The following AK7 variants were observed in gnomAD, a reference collection of about 807,000 sequenced individuals.
AK7 encodes adenylate kinase 7, also known as ATP-AMP transphosphorylase 7.
In AK7, 78 loss-of-function variants were observed where a neutral mutation model predicts 96.6. The observed-to-expected ratio is 0.81, with a 90% confidence interval of 0.67 to 0.97. The LOEUF is 0.97. AK7 is among the 50% of genes least tolerant of loss of function. AK7 has a pLI of 0.00. For synonymous variants in AK7, 302 were observed against 317.2 expected (o/e 0.95, Z 0.51); for missense variants, 855 against 887.9 (o/e 0.96, Z 0.47).
chr14:96,427,817 G>A (rs1055321637), intron 5 of AK7, among the ~76,000 whole-genome samples: 5 of 150,894 alleles, frequency 3.3e-5, no homozygotes, highest in African/African-American at 9.8e-5. Context: ...TTCTTTTTTT[G>A]TCTCCTCTGA....
At chr14:96,454,441 G>GTT (rs912609969) in intron 10 of AK7, among the ~76,000 whole-genome samples, 2 of 143,908 alleles carry the variant, frequency 1.4e-5, no homozygotes, top group East Asian at 2.0e-4. Flanking sequence ...GAGAAATGGT[G>GTT]TTTTTTTTTT....
At chr14:96,427,725 G>T (rs945314142) in intron 5 of AK7, among the ~76,000 whole-genome samples, 1 of 151,928 alleles carries the variant, frequency 6.6e-6, no homozygotes, top group Non-Finnish European at 1.5e-5. Flanking sequence ...TCTCTTACTC[G>T]ACTTCCTCTT....
chr14:96,424,350 A>G lies in AK7; in HGVS notation c.609+3418A>G. On this transcript the variant is annotated intron_variant, in intron 5 of 17. Transcript: ENST00000267584. ...GTGTTCTCAGTATTTTACTCATGGTATCTTATGTCATCTGTGTTTTACTCG... is the reference window on the plus strand; with the variant it reads ...GTGTTCTCAGTATTTTACTCATGGTGTCTTATGTCATCTGTGTTTTACTCG... 4 of 329,564 alleles carry G rather than the reference A, an allele frequency of 1.2e-5. No individual in the cohort carries two copies. In the South Asian group the frequency reaches 1.3e-4, roughly 11 times the overall value. The allele number at this position is 329,564 out of a possible 1,614,324, so 20.4% of individuals were successfully genotyped here.
intron 6 of AK7, among the ~76,000 whole-genome samples, chr14:96,438,710 A>G (rs1420547132): frequency 6.6e-6 from 1 of 152,194 alleles, no homozygotes; most frequent in Admixed American, 6.5e-5. Flanking sequence ...TGAGCACAGA[A>G]GCAACATAAT....
intron 4 of AK7, among the ~76,000 whole-genome samples, chr14:96,409,861 C>T (rs1016307613): frequency 3.9e-5 from 6 of 152,178 alleles, no homozygotes; most frequent in African/African-American, 1.4e-4. Flanking sequence ...AATCACGGTA[C>T]ACTCTTTTAA....
At chr14:96,468,576 C>T (rs998420327) in intron 12 of AK7, among the ~76,000 whole-genome samples, 2 of 151,888 alleles carry the variant, frequency 1.3e-5, no homozygotes, top group Non-Finnish European at 2.9e-5. Flanking sequence ...GGATTACAGG[C>T]GTGAGCCACC....
In AK7 at chr14:96,399,821, C is replaced by T. The variant is rs959628478; in HGVS notation, c.294+1558C>T. 1.3e-5 allele frequency among the ~76,000 whole-genome samples: 2 copies of T among 152,052 alleles called. No homozygotes were observed. Among genetic ancestry groups the T allele is most frequent in the Non-Finnish European group, 2.9e-5 (2 of 68,014 alleles). ...CTTTTACCCTTTAAATGCGGTTTTC[C>T]CCAGAGCTCACTCCCTTCCTACAAC... On this transcript the variant is annotated intron_variant, in intron 2 of 17. Coordinates refer to ENST00000267584, the MANE Select transcript of AK7 (RefSeq NM_152327.5). The surrounding 1 kb of genome is among the most constrained non-coding windows in gnomAD (Gnocchi z 4.1).
At chr14:96,393,453 A>G (rs1889871823) in intron 1 of AK7, among the ~76,000 whole-genome samples, 1 of 152,240 alleles carries the variant, frequency 6.6e-6, no homozygotes, top group African/African-American at 2.4e-5. Context: ...GCAGAAGTCC[A>G]AGATCAAGGT....
At chr14:96,418,878 G>C (rs527848491) in intron 4 of AK7, among the ~76,000 whole-genome samples, 2 of 152,258 alleles carry the variant, frequency 1.3e-5, no homozygotes, top group South Asian at 4.1e-4. Flanking sequence ...TAAACTCTGG[G>C]CTCAAAAGCT....
At chr14:96,416,080 C>T (rs1372081612) in intron 4 of AK7, among the ~76,000 whole-genome samples, 1 of 152,052 alleles carries the variant, frequency 6.6e-6, no homozygotes, top group African/African-American at 2.4e-5. Flanking sequence ...CAAACACAAT[C>T]ACCAATTAAA....
At position 96,392,212 on chromosome 14, in the gene AK7, G is replaced by T. The variant is rs1281292214; in HGVS notation, c.58G>T (p.Val20Leu). The change falls in exon 1 of 18, where the codon GTG becomes TTG. Residue 20 changes from valine to leucine, a missense_variant. Val to Leu is a conservative substitution (Grantham distance 32). Coordinates refer to ENST00000267584, the MANE Select transcript of AK7 (RefSeq NM_152327.5). ...GGAGAAGGTTATCCGGACCCAGAGGGTGTTTATAAACCTGTTGGATTCCTA... is the reference window on the plus strand; with the variant it reads ...GGAGAAGGTTATCCGGACCCAGAGGTTGTTTATAAACCTGTTGGATTCCTA... ...LTEKVIRTQR[V>L]FINLLDSYSS... 4 of 1,613,820 alleles carry T rather than the reference G, an allele frequency of 2.5e-6. No homozygotes were observed. The South Asian group carries it at 4.4e-5, about 18-fold the overall frequency.
rs142920443 is a variant in AK7, at chr14:96,431,562, C to T, written c.610-6273C>T. On this transcript the variant is annotated intron_variant, in intron 5 of 17. Coordinates refer to ENST00000267584, the MANE Select transcript of AK7 (RefSeq NM_152327.5). ...CAGGTTGTTCAGTTGCCATGTTATGCGGTTTTGAGTGAGTTTCTTAACCCT... is the reference window on the plus strand; with the variant it reads ...CAGGTTGTTCAGTTGCCATGTTATGTGGTTTTGAGTGAGTTTCTTAACCCT... Among the ~76,000 whole-genome samples the T allele has an allele frequency of 1.6e-4, 24 of 151,734 alleles. No homozygotes were observed. In the East Asian group the frequency reaches 4.5e-3, roughly 28 times the overall value.
At chr14:96,416,396 AAAG>A (rs1225411270) in intron 4 of AK7, among the ~76,000 whole-genome samples, 5 of 152,120 alleles carry the variant, frequency 3.3e-5, no homozygotes, top group African/African-American at 1.2e-4. Context: ...AAAAAAAAAA[AAAG>A]AGAATCCAAC....
chr14:96,468,954 A>G (rs1894735252), intron 12 of AK7, among the ~76,000 whole-genome samples: 1 of 152,148 alleles, frequency 6.6e-6, no homozygotes, highest in African/African-American at 2.4e-5. Flanking sequence ...GCCAAAGGTC[A>G]TGAGATTATC....
At chr14:96,413,883 G>T (rs980100208) in intron 4 of AK7, among the ~76,000 whole-genome samples, 1 of 152,194 alleles carries the variant, frequency 6.6e-6, no homozygotes, top group South Asian at 2.1e-4. Flanking sequence ...TTAAGTTCAA[G>T]TGTCCACACT....
chr14:96,397,693 G>GTTT (rs1362713203), intron 1 of AK7, among the ~76,000 whole-genome samples: 1 of 152,160 alleles, frequency 6.6e-6, no homozygotes, highest in Non-Finnish European at 1.5e-5. Context: ...ACCAGCCTAG[G>GTTT]CAACATAGCA....
At chr14:96,401,843 C>G (rs1890426844) in intron 2 of AK7, among the ~76,000 whole-genome samples, 1 of 152,200 alleles carries the variant, frequency 6.6e-6, no homozygotes, top group African/African-American at 2.4e-5. Flanking sequence ...CAAATATCTT[C>G]TCCTATGAGA....
At chr14:96,432,877 C>G (rs574502010) in intron 5 of AK7, among the ~76,000 whole-genome samples, 278 of 151,758 alleles carry the variant, frequency 1.8e-3, no homozygotes, top group Non-Finnish European at 3.1e-3. Context: ...GCCTGTAGTC[C>G]CAGCTACTCG....
chr14:96,479,447 G>T (rs1426549109), intron 15 of AK7, among the ~76,000 whole-genome samples: 1 of 150,888 alleles, frequency 6.6e-6, no homozygotes, highest in African/African-American at 2.4e-5. Flanking sequence ...ATTCCCCCAG[G>T]TTCCTTGGGA....
Sources: allele counts gnomAD v4.1 joint callset (sites outside exome capture counted in the v4.1 genomes callset), GRCh38; gene constraint gnomAD v4.1.1; non-coding constraint Gnocchi (gnomAD v3.1); transcripts MANE v1.5; gene names NCBI Gene and HGNC (gene_info 2026-07-23, HGNC 2026-07-21).